Variants in ZRANB3 observed in about 807,000 individuals in gnomAD.
ZRANB3 encodes the protein zinc finger RANBP2-type containing 3.
A neutral mutation model predicts 133.8 loss-of-function variants in ZRANB3; 125 were observed. That is an observed-to-expected ratio of 0.93 (90% CI 0.81 to 1.08). The LOEUF is 1.08. ZRANB3 is among the 50% of genes least tolerant of loss of function. The pLI, the probability that ZRANB3 is intolerant of heterozygous loss-of-function variation, is 0.00. For synonymous variants in ZRANB3, 387 were observed against 432.7 expected, an observed-to-expected ratio of 0.89 and a Z score of 1.31; for missense variants, 1,229 against 1,275.5, an observed-to-expected ratio of 0.96 and a Z score of 0.56.
At chr2:135,285,754 A>T (rs1190719017) in intron 8 of ZRANB3, among the ~76,000 whole-genome samples, 1 of 152,272 alleles carries the variant, frequency 6.6e-6, no homozygotes, top group Non-Finnish European at 1.5e-5. Context: ...TTCTTCTAAA[A>T]ATAAGGCATT....
intron 8 of ZRANB3, among the ~76,000 whole-genome samples, chr2:135,298,146 T>C (rs1324084493): frequency 6.6e-6 from 1 of 152,142 alleles, no homozygotes; most frequent in Admixed American, 6.5e-5. Flanking sequence ...GATAATTGCT[T>C]GAACCCGGGA....
chr2:135,405,840 T>C (rs1019893330), intron 2 of ZRANB3, among the ~76,000 whole-genome samples: 3 of 152,194 alleles, frequency 2.0e-5, no homozygotes, highest in African/African-American at 4.8e-5. Context: ...GGGAAATTTA[T>C]AGTACTAAAT....
At chr2:135,385,645 G>A (rs901523733) in intron 3 of ZRANB3, among the ~76,000 whole-genome samples, 1 of 152,100 alleles carries the variant, frequency 6.6e-6, no homozygotes, top group African/African-American at 2.4e-5. Context: ...CAGATATATT[G>A]AGCAATAGAT....
At chr2:135,375,342 C>T (rs776987505) in intron 3 of ZRANB3, among the ~76,000 whole-genome samples, 9 of 151,896 alleles carry the variant, frequency 5.9e-5, no homozygotes, top group Admixed American at 1.3e-4. Context: ...CACCTGAGGT[C>T]GGGAGTTCGA....
chr2:135,404,267 G>A (rs1334951138), intron 2 of ZRANB3, among the ~76,000 whole-genome samples: 1 of 152,202 alleles, frequency 6.6e-6, no homozygotes, highest in African/African-American at 2.4e-5. Context: ...GGACCTGATG[G>A]TGCTGAAAAC....
At chr2:135,416,701 T>C (rs1688589843) in intron 2 of ZRANB3, among the ~76,000 whole-genome samples, 1 of 151,900 alleles carries the variant, frequency 6.6e-6, no homozygotes, top group South Asian at 2.1e-4. Context: ...CTACCTGACT[T>C]CAAACTATAC....
At chr2:135,426,879 T>A (rs1164097089) in intron 2 of ZRANB3, among the ~76,000 whole-genome samples, 4 of 42,826 alleles carry the variant, frequency 9.3e-5, no homozygotes, top group African/African-American at 4.0e-4. Context: ...TATATATATA[T>A]ATATATATAT....
chr2:135,355,682 A>G (rs960733033), intron 3 of ZRANB3, among the ~76,000 whole-genome samples: 7 of 152,066 alleles, frequency 4.6e-5, no homozygotes, highest in Admixed American at 4.6e-4. Context: ...TTACCTGGCT[A>G]GAGTTATTCA....
intron 12 of ZRANB3, among the ~76,000 whole-genome samples, chr2:135,254,752 TTC>T (rs1491133022): frequency 6.6e-6 from 1 of 152,084 alleles, no homozygotes; most frequent in Non-Finnish European, 1.5e-5. Flanking sequence ...GTAGAACATT[TTC>T]TTTTTTTTTT....
intron 12 of ZRANB3, among the ~76,000 whole-genome samples, chr2:135,263,234 C>G (rs754525953): frequency 6.6e-6 from 1 of 152,132 alleles, no homozygotes; most frequent in Non-Finnish European, 1.5e-5. Context: ...GTTTTTAAAG[C>G]AACTTTGTGT....
At chr2:135,474,992 G>C (rs1458390189) in intron 2 of ZRANB3, among the ~76,000 whole-genome samples, 2 of 152,096 alleles carry the variant, frequency 1.3e-5, no homozygotes, top group East Asian at 3.9e-4. Flanking sequence ...CTGACTTTCA[G>C]GATGATACTA....
chr2:135,294,208 A>G lies in ZRANB3; in HGVS notation c.967-18453T>C, dbSNP rs1263249561. ...CTTGTACCTCTCATAGAATTTGGAT[A>G]TGAATCCATCTGGTCCTGGACTTTT... On this transcript the variant is annotated intron_variant, in intron 8 of 20. Transcript: ENST00000264159. 1.6e-4 allele frequency among the ~76,000 whole-genome samples: 25 copies of G among 152,226 alleles called. 1 individual carries two copies. Among genetic ancestry groups the G allele is most frequent in the Middle Eastern group, 3.4e-3 (1 of 292 alleles).
chr2:135,430,902 A>G lies in ZRANB3; in HGVS notation c.162-40082T>C, dbSNP rs1689291434. 2.6e-5 allele frequency among the ~76,000 whole-genome samples: 4 copies of G among 152,298 alleles called. No individual in the cohort carries two copies. The South Asian group carries it at 8.3e-4, about 32-fold the overall frequency. ...AAACAAAACTCTCAACTGATACCTC[A>G]TACCATATACAAACTTGAAGTAGAA... On this transcript the variant is annotated intron_variant, in intron 2 of 20. Transcript: ENST00000264159.
At chr2:135,485,250 G>A (rs1283428564) in intron 2 of ZRANB3, among the ~76,000 whole-genome samples, 1 of 152,006 alleles carries the variant, frequency 6.6e-6, no homozygotes, top group East Asian at 1.9e-4. Context: ...GAATAGCTGT[G>A]TTGCAAAGTC....
intron 8 of ZRANB3, among the ~76,000 whole-genome samples, chr2:135,287,511 C>T (rs1448847075): frequency 6.6e-6 from 1 of 152,026 alleles, no homozygotes; most frequent in Non-Finnish European, 1.5e-5. Context: ...TTGCTTTTGG[C>T]CATATGGTTA....
At chr2:135,332,781 A>G (rs1426814967) in intron 6 of ZRANB3, among the ~76,000 whole-genome samples, 2 of 152,230 alleles carry the variant, frequency 1.3e-5, no homozygotes, top group African/African-American at 4.8e-5. Flanking sequence ...TTGCATCAAT[A>G]CATTTCAGTC....
intron 4 of ZRANB3, among the ~76,000 whole-genome samples, chr2:135,351,898 A>G (rs1324837628): frequency 6.6e-6 from 1 of 152,212 alleles, no homozygotes; most frequent in African/African-American, 2.4e-5. Context: ...AACATATCCC[A>G]AATACTATTC....
chr2:135,349,941 C>T (rs1685122171), intron 5 of ZRANB3, 43 bp downstream of exon 5: 2 of 1,570,798 alleles, frequency 1.3e-6, no homozygotes, highest in Admixed American at 1.7e-5. Context: ...GCCTCCCACC[C>T]CCCTTCTCTT....
chr2:135,290,243 T>C (rs1420679779), intron 8 of ZRANB3, among the ~76,000 whole-genome samples: 1 of 152,200 alleles, frequency 6.6e-6, no homozygotes, highest in African/African-American at 2.4e-5. Context: ...TTCTTAGGTA[T>C]AGTAGTAATT....
Sources: allele counts gnomAD v4.1 joint callset (sites outside exome capture counted in the v4.1 genomes callset), GRCh38; gene constraint gnomAD v4.1.1; transcripts MANE v1.5; gene names NCBI Gene and HGNC (gene_info 2026-07-23, HGNC 2026-07-21).